The following MGST1 variants were observed in gnomAD, a reference collection of about 807,000 sequenced individuals.
MGST1 encodes the protein glutathione S-transferase 12.
MGST1 carries 5 observed loss-of-function variants against 8.9 expected under a neutral mutation model. The ratio of observed to expected loss-of-function variants is 0.56; its 90% CI spans 0.29 to 1.19. The LOEUF (loss-of-function observed/expected upper bound fraction) is 1.19. Among genes scored for constraint, MGST1 ranks in the 50% most tolerant of loss-of-function variants. The pLI is 0.08. For missense variants in MGST1, 182 were observed against 187.4 expected (o/e 0.97, Z 0.17); for synonymous variants, 54 against 67.8 (o/e 0.80, Z 1.00).
chr12:16,466,886 T>C (rs1008789329), intron 4 of MGST1, among the ~76,000 whole-genome samples: 1 of 152,182 alleles, frequency 6.6e-6, no homozygotes, highest in Non-Finnish European at 1.5e-5. Flanking sequence ...ACAATTGTGT[T>C]GCACTGATAA....
chr12:16,447,748 G>T (rs1039456120), intron 4 of MGST1, among the ~76,000 whole-genome samples: 1 of 151,984 alleles, frequency 6.6e-6, no homozygotes, highest in Non-Finnish European at 1.5e-5. Context: ...CCTGGTGGAA[G>T]ATTATGGTGC....
intron 1 of MGST1, among the ~76,000 whole-genome samples, chr12:16,352,575 G>A (rs946445078): frequency 3.9e-5 from 6 of 152,126 alleles, no homozygotes; most frequent in Admixed American, 3.9e-4. Context: ...GCAGAGGACT[G>A]GAAATGTACA....
intron 1 of MGST1, among the ~76,000 whole-genome samples, chr12:16,416,912 G>C (rs1210606313): frequency 6.6e-6 from 1 of 152,110 alleles, no homozygotes; most frequent in African/African-American, 2.4e-5. Context: ...AGTATATCCA[G>C]ATCAAAAGTG....
At chr12:16,427,186 A>C (rs10846364) in intron 1 of MGST1, among the ~76,000 whole-genome samples, 69,395 of 151,798 alleles carry the variant, frequency 0.46, 16,191 homozygotes, top group Non-Finnish European at 0.52. Context: ...GATTTTAAGA[A>C]GACTAACATA....
chr12:16,466,304 C>T (rs1941254835), intron 4 of MGST1, among the ~76,000 whole-genome samples: 1 of 152,170 alleles, frequency 6.6e-6, no homozygotes, highest in African/African-American at 2.4e-5. Flanking sequence ...GGTTCAGGAG[C>T]TTCACCCCAC....
In MGST1 at chr12:16,410,506, G is replaced by A. The variant is rs1940733243; in HGVS notation, n.779-26882G>A. 6.7e-6 allele frequency among the ~76,000 whole-genome samples: 1 copy of A among 150,258 alleles called. No homozygotes were observed. Among genetic ancestry groups the A allele is most frequent in the African/African-American group, 2.4e-5 (1 of 40,916 alleles). ...TCAGATTTGTAAAAGCATATATGTT[G>A]GTATATATTGCATATATGTGTATAT... On this transcript the variant is annotated intron_variant and non_coding_transcript_variant, in intron 1 of 1. Transcript: ENST00000359720. The surrounding 1 kb of genome is among the most constrained non-coding windows in gnomAD (Gnocchi z 4.4).
chr12:16,399,146 C>A (rs1461603824), intron 1 of MGST1: 10 of 932,764 alleles, frequency 1.1e-5, no homozygotes, highest in Non-Finnish European at 1.6e-5. Context: ...ATAAATGGCC[C>A]CCGAAACCCA....
chr12:16,470,369 T>A (rs34392), intron 4 of MGST1, among the ~76,000 whole-genome samples: 1 of 152,184 alleles, frequency 6.6e-6, no homozygotes, highest in South Asian at 2.1e-4. Flanking sequence ...TCCAATTAGG[T>A]TGAGTTTGCT....
chr12:16,584,277 G>A lies in MGST1; in HGVS notation n.483-5251G>A, dbSNP rs1241479834. Among the ~76,000 whole-genome samples, 1 of 152,146 alleles carries A rather than the reference G, an allele frequency of 6.6e-6. No individual in the cohort carries two copies. The highest frequency in any genetic ancestry group is 1.5e-5 in the Non-Finnish European group (1 of 68,032). On this transcript the variant is annotated intron_variant and non_coding_transcript_variant, in intron 4 of 4. Coordinates refer to the MGST1 transcript ENST00000538857. This position sits in a 1 kb window ranked among gnomAD's most constrained non-coding sequence, Gnocchi z 5.2. ...TGCCAGTTTCTCCTCTTGGCTTCAT[G>A]GAATGTGGGATTTACATGAGTAAGT...
intron 1 of MGST1, among the ~76,000 whole-genome samples, chr12:16,418,296 G>A (rs892631280): frequency 3.3e-5 from 5 of 152,136 alleles, no homozygotes. Flanking sequence ...GAGACAAGCT[G>A]ATCTAATTCC....
At chr12:16,399,836 CT>C in intron 1 of MGST1, 2 of 1,223,848 alleles carry the variant, frequency 1.6e-6, no homozygotes, top group Admixed American at 3.4e-5. Context: ...CACTTTCTTG[CT>C]GTAGTCCTTG....
At chr12:16,558,469 T>TA (rs1942272315) in intron 4 of MGST1, among the ~76,000 whole-genome samples, 2 of 152,220 alleles carry the variant, frequency 1.3e-5, no homozygotes, top group East Asian at 3.9e-4. Flanking sequence ...AAGACACCTT[T>TA]AAAATGTATA....
At chr12:16,468,454 C>T (rs1185404892) in intron 4 of MGST1, among the ~76,000 whole-genome samples, 1 of 152,130 alleles carries the variant, frequency 6.6e-6, no homozygotes, top group Non-Finnish European at 1.5e-5. Context: ...GCTGTCTCCT[C>T]CAATCTTCCT....
chr12:16,493,148 C>T (rs1451746039), intron 4 of MGST1, among the ~76,000 whole-genome samples: 1 of 152,142 alleles, frequency 6.6e-6, no homozygotes, highest in Non-Finnish European at 1.5e-5. Flanking sequence ...GTGCCAGTGA[C>T]CATCTTAGTG....
At position 16,401,111 on chromosome 12, in the gene MGST1, C is replaced by T. The variant is rs1940651876; in HGVS notation, n.778+17507C>T. The stretch of plus-strand genomic sequence containing the variant: ...TCATCTTTCTCCTCCTCCTCCTTTT[C>T]CTCATCTTCGTTCCTTAGGAAAATA... On this transcript the variant is annotated intron_variant and non_coding_transcript_variant, in intron 1 of 1. Coordinates refer to the MGST1 transcript ENST00000359720. This position sits in a 1 kb window ranked among gnomAD's most constrained non-coding sequence, Gnocchi z 4.3. 6.3e-7 allele frequency: 1 copy of T among 1,581,874 alleles called. No individual in the cohort carries two copies. The highest frequency in any genetic ancestry group is 1.7e-5 in the Admixed American group (1 of 59,786).
intron 3 of MGST1, among the ~76,000 whole-genome samples, chr12:16,372,053 A>G (rs1940302201): frequency 1.3e-5 from 2 of 152,104 alleles, no homozygotes. Flanking sequence ...TTAAAAGCTT[A>G]AATCTAAGAC....
intron 4 of MGST1, among the ~76,000 whole-genome samples, chr12:16,567,763 T>G (rs532856603): frequency 6.6e-6 from 1 of 152,040 alleles, no homozygotes; most frequent in Non-Finnish European, 1.5e-5. Flanking sequence ...AAGTTGGTAT[T>G]TTAAGAGAAT....
At chr12:16,383,143 A>T (rs1243075532) in exon 1 of MGST1, 1 of 152,636 alleles carries the variant, frequency 6.6e-6, no homozygotes, top group Non-Finnish European at 1.5e-5. Flanking sequence ...GGTGCACTGC[A>T]CCCACTGACC....
At chr12:16,360,612 A>G (rs1032265471) in intron 3 of MGST1, among the ~76,000 whole-genome samples, 9 of 152,230 alleles carry the variant, frequency 5.9e-5, no homozygotes, top group African/African-American at 2.2e-4. Flanking sequence ...CAACACAAAA[A>G]GATAAAAAGA....
Sources: gnomAD v4.1 joint callset for allele counts (sites outside exome capture counted in the v4.1 genomes callset) on GRCh38, gnomAD v4.1.1 for gene constraint, Gnocchi (gnomAD v3.1) non-coding constraint, MANE v1.5 for transcripts, NCBI Gene and HGNC (gene_info 2026-07-23, HGNC 2026-07-21) for gene names.